The following CDH13 variants were observed in gnomAD, a reference collection of about 807,000 sequenced individuals.
CDH13 encodes the protein cadherin 13.
A neutral mutation model predicts 63.8 loss-of-function variants in CDH13; 24 were observed. The observed-to-expected ratio is 0.38, with a 90% CI of 0.27 to 0.53. CDH13 has a LOEUF of 0.53. Ranked by LOEUF, CDH13 falls within the 20% of genes least tolerant of loss-of-function variation. The pLI is 0.85. For synonymous variants in CDH13, 503 were observed against 355.3 expected, an observed-to-expected ratio of 1.42 and a Z score of -4.67; for missense variants, 1,049 against 903.1, an observed-to-expected ratio of 1.16 and a Z score of -2.07.
At chr16:83,692,802 G>C (rs957110600) in intron 10 of CDH13, among the ~76,000 whole-genome samples, 1 of 152,136 alleles carries the variant, frequency 6.6e-6, no homozygotes, top group Non-Finnish European at 1.5e-5. Context: ...GCACATAGCC[G>C]GCTGGGCACG....
chr16:83,053,025 G>T (rs145759620), intron 3 of CDH13, among the ~76,000 whole-genome samples: 4 of 152,018 alleles, frequency 2.6e-5, no homozygotes, highest in African/African-American at 9.7e-5. Context: ...CATTCTTTTC[G>T]AAGGCCTAAC....
chr16:83,289,580 A>G (rs1323244603), intron 5 of CDH13, among the ~76,000 whole-genome samples: 1 of 152,204 alleles, frequency 6.6e-6, no homozygotes, highest in Non-Finnish European at 1.5e-5. Context: ...GTAAACATAC[A>G]GGATTCAGCA....
chr16:83,542,255 T>C (rs1005086857), intron 7 of CDH13, among the ~76,000 whole-genome samples: 7 of 152,230 alleles, frequency 4.6e-5, no homozygotes, highest in Non-Finnish European at 8.8e-5. Flanking sequence ...CCTATCAGAA[T>C]TCCTATCAGA....
At chr16:83,379,938 T>TATATATAGAGAGAGAGAGAGAGAGAGAG in intron 6 of CDH13, among the ~76,000 whole-genome samples, 25 of 123,442 alleles carry the variant, frequency 2.0e-4, no homozygotes, top group African/African-American at 7.5e-4. Flanking sequence ...TATATATATA[T>TATATATAGAGAGAGAGAGAGAGAGAGAG]AGAGAGAGAG....
At chr16:82,927,617 C>T (rs2042344649) in intron 2 of CDH13, among the ~76,000 whole-genome samples, 1 of 152,172 alleles carries the variant, frequency 6.6e-6, no homozygotes, top group African/African-American at 2.4e-5. Flanking sequence ...AGAAACTGTT[C>T]CTCAAGAACT....
intron 6 of CDH13, among the ~76,000 whole-genome samples, chr16:83,484,091 C>T (rs17758985): frequency 0.19 from 29,165 of 152,124 alleles, 2,847 homozygotes; most frequent in Middle Eastern, 0.27. Context: ...CTGAGACTGC[C>T]TAACAAATCA....
At chr16:82,809,971 T>A (rs2037360231) in intron 1 of CDH13, among the ~76,000 whole-genome samples, 2 of 152,210 alleles carry the variant, frequency 1.3e-5, no homozygotes, top group Admixed American at 1.3e-4. Context: ...TGTCAGTTCA[T>A]TCTCTGTATG....
intron 3 of CDH13, among the ~76,000 whole-genome samples, chr16:83,050,517 GTTC>G (rs1402839770): frequency 4.6e-5 from 7 of 151,990 alleles, no homozygotes; most frequent in Non-Finnish European, 7.4e-5. Context: ...TCTTCCTCTA[GTTC>G]TTCTTCTTAT....
At chr16:83,526,597 C>A (rs2074966468) in intron 7 of CDH13, among the ~76,000 whole-genome samples, 1 of 152,220 alleles carries the variant, frequency 6.6e-6, no homozygotes, top group South Asian at 2.1e-4. Flanking sequence ...TCACCTCCTG[C>A]TGTGTGGCCC....
At chr16:83,074,721 ATCGTCTCACACAG>A (rs944172275) in intron 3 of CDH13, among the ~76,000 whole-genome samples, 2 of 152,184 alleles carry the variant, frequency 1.3e-5, no homozygotes, top group Non-Finnish European at 2.9e-5. Context: ...CTTCATAGCC[ATCGTCTCACACAG>A]TCCTCACTGG....
intron 2 of CDH13, among the ~76,000 whole-genome samples, chr16:82,895,546 C>G (rs945591405): frequency 2.0e-5 from 3 of 152,146 alleles, no homozygotes; most frequent in Non-Finnish European, 4.4e-5. Flanking sequence ...AGATGCCATG[C>G]TTTATATCAG....
At chr16:83,428,965 T>C (rs902895208) in intron 6 of CDH13, among the ~76,000 whole-genome samples, 3 of 152,254 alleles carry the variant, frequency 2.0e-5, no homozygotes, top group African/African-American at 4.8e-5. Context: ...GTCATCACTT[T>C]CCCTGTCAAG....
intron 2 of CDH13, among the ~76,000 whole-genome samples, chr16:83,006,512 G>A (rs1046735575): frequency 6.6e-5 from 10 of 152,050 alleles, no homozygotes; most frequent in African/African-American, 2.4e-4. Context: ...GACTAGCCAA[G>A]CGCTTGACTG....
At chr16:82,742,814 T>C (rs1184321695) in intron 1 of CDH13, among the ~76,000 whole-genome samples, 3 of 152,192 alleles carry the variant, frequency 2.0e-5, no homozygotes, top group Non-Finnish European at 4.4e-5. Context: ...CATCATGTAC[T>C]GAGTAAAGCT....
chr16:82,965,618 A>C (rs1278006375), intron 2 of CDH13, among the ~76,000 whole-genome samples: 2 of 151,986 alleles, frequency 1.3e-5, no homozygotes, highest in Admixed American at 1.3e-4. Flanking sequence ...TGCAACCTCT[A>C]CTTCCAGGTT....
At chr16:83,434,927 T>A (rs1234884029) in intron 6 of CDH13, among the ~76,000 whole-genome samples, 1 of 146,306 alleles carries the variant, frequency 6.8e-6, no homozygotes, top group Non-Finnish European at 1.5e-5. Context: ...ATATATAATA[T>A]ATAAATATAT....
At chr16:82,671,963 T>A (rs917122761) in intron 1 of CDH13, among the ~76,000 whole-genome samples, 2 of 152,126 alleles carry the variant, frequency 1.3e-5, no homozygotes, top group Non-Finnish European at 2.9e-5. Context: ...AATTCTGCCC[T>A]CCCCCTCTTG....
At chr16:82,992,712 T>C (rs971320785) in intron 2 of CDH13, among the ~76,000 whole-genome samples, 2 of 152,178 alleles carry the variant, frequency 1.3e-5, no homozygotes, top group East Asian at 3.8e-4. Flanking sequence ...CAAAAAAAAG[T>C]TACTATGTGG....
intron 3 of CDH13, among the ~76,000 whole-genome samples, chr16:83,100,257 T>C (rs1371054953): frequency 6.6e-6 from 1 of 152,004 alleles, no homozygotes; most frequent in East Asian, 1.9e-4. Flanking sequence ...ATAATATAAA[T>C]AAGTAAAATA....
Sources: allele counts gnomAD v4.1 joint callset (sites outside exome capture counted in the v4.1 genomes callset), GRCh38; gene constraint gnomAD v4.1.1; transcripts MANE v1.5; gene names NCBI Gene and HGNC (gene_info 2026-07-23, HGNC 2026-07-21).